Variants in PDSS2 observed in about 807,000 individuals in gnomAD.
The protein encoded by PDSS2 is all trans-polyprenyl-diphosphate synthase PDSS2.
PDSS2 carries 31 observed loss-of-function variants against 44.5 expected under a neutral mutation model. The ratio of observed to expected loss-of-function variants is 0.70; its 90% CI spans 0.52 to 0.94. PDSS2 has a LOEUF of 0.94. PDSS2 is among the 40% of genes least tolerant of loss of function. PDSS2 has a pLI of 0.00. For synonymous variants in PDSS2, 157 were observed against 180.3 expected, an observed-to-expected ratio of 0.87 and a Z score of 1.03; for missense variants, 452 against 482.2, an observed-to-expected ratio of 0.94 and a Z score of 0.59.
intron 7 of PDSS2, among the ~76,000 whole-genome samples, chr6:107,173,435 G>A (rs541736658): frequency 1.5e-4 from 22 of 151,458 alleles, no homozygotes; most frequent in East Asian, 1.4e-3. Context: ...TTAGTTGGGC[G>A]TGGTGGTGCA....
At chr6:107,407,604 G>T (rs954117600) in intron 1 of PDSS2, among the ~76,000 whole-genome samples, 1 of 152,128 alleles carries the variant, frequency 6.6e-6, no homozygotes, top group Admixed American at 6.5e-5. Context: ...TTTACCACAG[G>T]TGACATATTT....
At chr6:107,383,584 T>C (rs1165973957) in intron 1 of PDSS2, among the ~76,000 whole-genome samples, 1 of 151,940 alleles carries the variant, frequency 6.6e-6, no homozygotes, top group African/African-American at 2.4e-5. Context: ...GACTTGTATC[T>C]AGATACAAAT....
At chr6:107,233,918 G>C (rs973882520) in intron 4 of PDSS2, among the ~76,000 whole-genome samples, 5 of 152,122 alleles carry the variant, frequency 3.3e-5, no homozygotes, top group Admixed American at 6.5e-5. Flanking sequence ...TGTAGTCCCA[G>C]CTACTTGGGA....
intron 4 of PDSS2, among the ~76,000 whole-genome samples, chr6:107,213,679 C>A (rs1477539013): frequency 6.6e-6 from 1 of 152,078 alleles, no homozygotes; most frequent in Non-Finnish European, 1.5e-5. Context: ...ATCACTTGAA[C>A]CTGGGTGGGA....
At chr6:107,398,510 G>A (rs1467062370) in intron 1 of PDSS2, among the ~76,000 whole-genome samples, 1 of 152,096 alleles carries the variant, frequency 6.6e-6, no homozygotes, top group African/African-American at 2.4e-5. Flanking sequence ...AAATATCCTT[G>A]GGGGTCTTCA....
rs931556664 is a variant in PDSS2 at position 107,265,885 on chromosome 6, A to G, written c.630+8144T>C. Among the ~76,000 whole-genome samples, 10 of 152,336 alleles carry G rather than the reference A, an allele frequency of 6.6e-5. No homozygotes were observed. In the South Asian group the frequency reaches 1.0e-3, roughly 16 times the overall value. On this transcript the variant is annotated intron_variant, in intron 3 of 7. Coordinates refer to ENST00000369037, the MANE Select transcript of PDSS2 (RefSeq NM_020381.4). ...AACCCGAGAGGCGGAGGTTGCAGTG[A>G]GCCAAGATCGTGCCACTGCACTCCA...
intron 1 of PDSS2, among the ~76,000 whole-genome samples, chr6:107,407,548 A>G (rs966847408): frequency 6.6e-6 from 1 of 152,156 alleles, no homozygotes; most frequent in African/African-American, 2.4e-5. Context: ...GCAATGGGTT[A>G]TTTCTCCTTA....
intron 3 of PDSS2, among the ~76,000 whole-genome samples, chr6:107,262,810 A>G (rs1460592214): frequency 6.6e-6 from 1 of 152,022 alleles, no homozygotes; most frequent in Admixed American, 6.6e-5. Context: ...GGCTGGGCAC[A>G]GTGGCTTACG....
intron 2 of PDSS2, among the ~76,000 whole-genome samples, chr6:107,309,920 C>G (rs1023398322): frequency 6.6e-6 from 1 of 151,994 alleles, no homozygotes; most frequent in African/African-American, 2.4e-5. Flanking sequence ...AACAAAATAC[C>G]ACAGGCTGGG....
intron 2 of PDSS2, among the ~76,000 whole-genome samples, chr6:107,287,451 C>A (rs185989006): frequency 6.6e-6 from 1 of 152,110 alleles, no homozygotes; most frequent in African/African-American, 2.4e-5. Flanking sequence ...ATGCATACCT[C>A]TTGACCTATG....
intron 6 of PDSS2, chr6:107,197,976 C>T: frequency 2.1e-6 from 1 of 465,422 alleles, no homozygotes; most frequent in Non-Finnish European, 4.5e-6. Context: ...CATTGAGCCA[C>T]CTCCCACTCT....
chr6:107,449,862 T>C (rs1435583634), intron 1 of PDSS2, among the ~76,000 whole-genome samples: 1 of 152,196 alleles, frequency 6.6e-6, no homozygotes, highest in African/African-American at 2.4e-5. Context: ...TGAGCCACTG[T>C]GCCTGGTCCC....
At chr6:107,380,800 T>C (rs776271462) in intron 1 of PDSS2, among the ~76,000 whole-genome samples, 7 of 152,180 alleles carry the variant, frequency 4.6e-5, no homozygotes, top group Non-Finnish European at 1.0e-4. Context: ...GTTATTGATT[T>C]TCAGTTTTTC....
At chr6:107,273,878 TGCC>T (rs1775684066) in intron 3 of PDSS2, 148 bp downstream of exon 3, 2 of 687,276 alleles carry the variant, frequency 2.9e-6, no homozygotes, top group Non-Finnish European at 5.2e-6. Flanking sequence ...GTACTAACAC[TGCC>T]ATCATTATGT....
In PDSS2 at chr6:107,428,192, T is replaced by C. The variant is rs563692168; in HGVS notation, c.296+30798A>G. Among the ~76,000 whole-genome samples, 10 of 152,358 alleles carry C rather than the reference T, an allele frequency of 6.6e-5. No individual in the cohort carries two copies. The East Asian group carries it at 1.9e-3, about 29-fold the overall frequency. On this transcript the variant is annotated intron_variant, in intron 1 of 7. Coordinates refer to ENST00000369037, the MANE Select transcript of PDSS2 (RefSeq NM_020381.4). ...GTCTTTAAGGTGCAAGTCAATCCCA[T>C]GGAAGATTTCAAAATAAAAGGATGC...
intron 1 of PDSS2, among the ~76,000 whole-genome samples, chr6:107,416,172 C>T (rs1014214700): frequency 9.2e-5 from 14 of 151,932 alleles, no homozygotes; most frequent in Non-Finnish European, 1.5e-4. Context: ...TATGGTAAAA[C>T]GACAGAACTC....
At chr6:107,456,137 A>G (rs1234963580) in intron 1 of PDSS2, among the ~76,000 whole-genome samples, 2 of 152,102 alleles carry the variant, frequency 1.3e-5, no homozygotes, top group African/African-American at 4.8e-5. Context: ...CCTGGCCAAT[A>G]TGGTGAAACC....
intron 3 of PDSS2, among the ~76,000 whole-genome samples, chr6:107,255,144 C>T (rs989601450): frequency 9.2e-5 from 14 of 151,518 alleles, no homozygotes; most frequent in East Asian, 3.9e-4. Flanking sequence ...TGAGCTACCA[C>T]GCCTGGCCAA....
intron 1 of PDSS2, among the ~76,000 whole-genome samples, chr6:107,457,298 T>C (rs1037123763): frequency 6.6e-6 from 1 of 152,206 alleles, no homozygotes. Context: ...TATTACACCA[T>C]CGTTTCAAAA....
Sources: gnomAD v4.1 joint callset for allele counts (sites outside exome capture counted in the v4.1 genomes callset) on GRCh38, gnomAD v4.1.1 for gene constraint, MANE v1.5 for transcripts, NCBI Gene and HGNC (gene_info 2026-07-23, HGNC 2026-07-21) for gene names.